Variants in CLSTN2 observed in about 807,000 individuals in gnomAD.
CLSTN2 encodes the protein calsyntenin-2.
Under a neutral mutation model 101.2 loss-of-function variants are expected in CLSTN2, and 48 were observed. That is an observed-to-expected ratio of 0.47 (90% CI 0.38 to 0.60). The LOEUF (loss-of-function observed/expected upper bound fraction) is 0.60, where lower values mean the gene tolerates loss of function less well. CLSTN2 is among the 20% of genes least tolerant of loss of function. The probability of loss-of-function intolerance (pLI) is 0.00; values close to 1 mark genes in which losing one functional copy is unlikely to be tolerated. For missense variants in CLSTN2, 1,160 were observed against 1,238.2 expected, an observed-to-expected ratio of 0.94 and a Z score of 0.95; for synonymous variants, 481 against 463.6, an observed-to-expected ratio of 1.04 and a Z score of -0.48.
At chr3:140,533,823 C>A (rs934221184) in intron 9 of CLSTN2, among the ~76,000 whole-genome samples, 4 of 151,870 alleles carry the variant, frequency 2.6e-5, no homozygotes, top group African/African-American at 9.7e-5. Flanking sequence ...ATGGGCAGCT[C>A]CATGTAAAAG....
chr3:140,384,576 A>C (rs762883749), intron 2 of CLSTN2, among the ~76,000 whole-genome samples: 57 of 152,282 alleles, frequency 3.7e-4, no homozygotes, highest in Non-Finnish European at 6.2e-4. Flanking sequence ...CATGTTTAAG[A>C]AAGTCCCTTC....
At chr3:140,065,059 T>C (rs1250307069) in intron 1 of CLSTN2, among the ~76,000 whole-genome samples, 2 of 152,206 alleles carry the variant, frequency 1.3e-5, no homozygotes, top group Non-Finnish European at 2.9e-5. Context: ...CTAACAACCA[T>C]GGAAGCAATT....
rs540230332 is a variant in CLSTN2 at position 140,170,158 on chromosome 3, A to G, written c.110-5793A>G. ...ATTCAGCCATTTGATGGAGTAAAAA[A>G]TAAAGAATCCAGTTGATCTGGATGC... On this transcript the variant is annotated intron_variant, in intron 1 of 16. Coordinates refer to ENST00000458420, the MANE Select transcript of CLSTN2 (RefSeq NM_022131.3). 3.9e-5 allele frequency among the ~76,000 whole-genome samples: 6 copies of G among 152,346 alleles called. No individual in the cohort carries two copies. In the East Asian group the frequency reaches 1.2e-3, roughly 29 times the overall value.
intron 1 of CLSTN2, among the ~76,000 whole-genome samples, chr3:140,046,375 C>T (rs2007880914): frequency 6.6e-6 from 1 of 152,264 alleles, no homozygotes; most frequent in Non-Finnish European, 1.5e-5. Context: ...GGTGGATCTT[C>T]CTCCATCCCT....
At chr3:139,951,902 T>C (rs555286126) in intron 1 of CLSTN2, among the ~76,000 whole-genome samples, 1 of 152,150 alleles carries the variant, frequency 6.6e-6, no homozygotes, top group Non-Finnish European at 1.5e-5. Flanking sequence ...TATTCCTTAA[T>C]TTTCTCGTGG....
intron 1 of CLSTN2, among the ~76,000 whole-genome samples, chr3:139,952,948 C>T (rs1342491520): frequency 6.6e-6 from 1 of 152,154 alleles, no homozygotes; most frequent in Non-Finnish European, 1.5e-5. Flanking sequence ...AAAATCAGGT[C>T]TGAAACGGCC....
intron 1 of CLSTN2, among the ~76,000 whole-genome samples, chr3:140,050,287 T>C (rs7634349): frequency 0.014 from 2,199 of 152,290 alleles, 47 homozygotes; most frequent in African/African-American, 0.048. Flanking sequence ...AACAAAAGCT[T>C]GCTCAGAGCA....
At chr3:140,507,190 T>C (rs1469059782) in intron 8 of CLSTN2, 1 of 152,214 alleles carries the variant, frequency 6.6e-6, no homozygotes, top group Non-Finnish European at 1.5e-5. Flanking sequence ...TAACACCTAC[T>C]CCTTTTAGCA....
intron 4 of CLSTN2, among the ~76,000 whole-genome samples, chr3:140,408,298 A>G (rs963885961): frequency 6.6e-6 from 1 of 152,154 alleles, no homozygotes; most frequent in Non-Finnish European, 1.5e-5. Context: ...GACCTCTTTC[A>G]ATTTCACCCC....
chr3:140,408,026 C>T lies in CLSTN2; in HGVS notation c.637+3260C>T, dbSNP rs544032152. ...TCCCCGACAAAGTACAATCAGACAG[C>T]TATCTATGAAAGAAAATAGCTGTAG... On this transcript the variant is annotated intron_variant, in intron 4 of 16. Transcript: ENST00000458420. 1.9e-4 allele frequency among the ~76,000 whole-genome samples: 29 copies of T among 152,242 alleles called. 1 individual carries two copies. Among genetic ancestry groups the T allele is most frequent in the Admixed American group, 1.0e-3 (16 of 15,292 alleles).
At chr3:140,400,466 C>A (rs1265397425) in intron 2 of CLSTN2, among the ~76,000 whole-genome samples, 3 of 151,984 alleles carry the variant, frequency 2.0e-5, no homozygotes, top group Admixed American at 6.6e-5. Flanking sequence ...TTTGGGAGGC[C>A]GACAGGAGAA....
intron 2 of CLSTN2, among the ~76,000 whole-genome samples, chr3:140,264,867 C>T (rs1277442014): frequency 6.6e-6 from 1 of 151,672 alleles, no homozygotes; most frequent in Non-Finnish European, 1.5e-5. Context: ...AAGTGTGCTT[C>T]CAACACATTT....
chr3:140,304,182 G>A (rs1256328388), intron 2 of CLSTN2, among the ~76,000 whole-genome samples: 4 of 152,152 alleles, frequency 2.6e-5, no homozygotes, highest in Non-Finnish European at 5.9e-5. Context: ...TCCGATAACT[G>A]TGGCTAACCT....
chr3:140,341,956 G>A (rs920359662), intron 2 of CLSTN2, among the ~76,000 whole-genome samples: 1 of 152,152 alleles, frequency 6.6e-6, no homozygotes, highest in Admixed American at 6.5e-5. Context: ...GGAAGGCAAG[G>A]TTCAGTGAGG....
chr3:140,007,671 C>T (rs939458914), intron 1 of CLSTN2, among the ~76,000 whole-genome samples: 2 of 152,306 alleles, frequency 1.3e-5, no homozygotes, highest in Admixed American at 6.5e-5. Flanking sequence ...CGGTCTGGCT[C>T]TCCTCTCCGT....
At chr3:140,406,473 A>G (rs760988549) in intron 4 of CLSTN2, among the ~76,000 whole-genome samples, 2 of 152,262 alleles carry the variant, frequency 1.3e-5, no homozygotes, top group Non-Finnish European at 2.9e-5. Flanking sequence ...TCAATGCACA[A>G]GCAAGTAAAG....
intron 2 of CLSTN2, among the ~76,000 whole-genome samples, chr3:140,395,130 A>C (rs1431343267): frequency 6.6e-6 from 1 of 152,252 alleles, no homozygotes; most frequent in Non-Finnish European, 1.5e-5. Flanking sequence ...ATCTTCCAAA[A>C]GAGGGAGATT....
chr3:140,362,496 A>G (rs1023642352), intron 2 of CLSTN2, among the ~76,000 whole-genome samples: 49 of 152,204 alleles, frequency 3.2e-4, no homozygotes, highest in African/African-American at 1.1e-3. Flanking sequence ...GCTTCAAAAG[A>G]CATTAAGAGC....
intron 8 of CLSTN2, among the ~76,000 whole-genome samples, chr3:140,502,511 A>T (rs1934599414): frequency 6.6e-6 from 1 of 152,200 alleles, no homozygotes; most frequent in Non-Finnish European, 1.5e-5. Context: ...GCACTTTTAA[A>T]CACCTTTTGG....
Sources: allele counts gnomAD v4.1 joint callset (sites outside exome capture counted in the v4.1 genomes callset), GRCh38; gene constraint gnomAD v4.1.1; transcripts MANE v1.5; gene names NCBI Gene and HGNC (gene_info 2026-07-23, HGNC 2026-07-21).